CELSR3: variants seen among roughly 807,000 people sequenced by gnomAD.
CELSR3 encodes EGF-like protein 1.
In CELSR3, 73 loss-of-function variants were observed where a neutral mutation model predicts 270.0. The ratio of observed to expected loss-of-function variants is 0.27; its 90% CI spans 0.22 to 0.33. The LOEUF (loss-of-function observed/expected upper bound fraction) is 0.33, where lower values mean the gene tolerates loss of function less well. CELSR3 is among the 10% of genes least tolerant of loss of function. CELSR3 has a pLI of 1.00. For synonymous variants in CELSR3, 1,780 were observed against 1,905.4 expected, an observed-to-expected ratio of 0.93 and a Z score of 1.71; for missense variants, 3,614 against 4,533.8, an observed-to-expected ratio of 0.80 and a Z score of 5.83.
At position 48,656,005 on chromosome 3, in the gene CELSR3, C is replaced by T. The variant is rs557639429; in HGVS notation, c.4625+135G>A. The stretch of plus-strand genomic sequence containing the variant: ...CGGGGGGACGCGGGTGCAGCGAGGT[C>T]AGGAGACCCCGGGCGGGGCGTCAGG... On this transcript the variant is annotated intron_variant, in intron 3 of 34. Transcript: ENST00000164024. 5.5e-5 allele frequency: 64 copies of T among 1,163,444 alleles called. No individual in the cohort carries two copies. In the African/African-American group the frequency reaches 8.4e-4, roughly 15 times the overall value. 72.1% of individuals were successfully genotyped at this position (1,163,444 alleles called of 1,614,324 possible). A position where few individuals can be genotyped will look rare whatever the true frequency, so the allele number is the denominator to read the frequency against.
Position 48,662,404 on chromosome 3 carries a change from G to T in CELSR3, c.231C>A (p.Gly77=). The T allele has an allele frequency of 6.2e-7, 1 of 1,612,842 alleles. No homozygotes were observed. Among genetic ancestry groups the T allele is most frequent in the Non-Finnish European group, 8.5e-7 (1 of 1,179,942 alleles). ...SSGVREDGGP[G]LGVREPIFVG... ...CGAAGATAGGCTCCCTGACCCCCAG[G>T]CCAGGCCCCCCATCCTCCCGGACCC... Residue 77 remains glycine, a synonymous_variant, in exon 1 of 35, where the codon GGC becomes GGA. Transcript: ENST00000164024. The surrounding 1 kb of genome is among the most constrained non-coding windows in gnomAD (Gnocchi z 7.1).
Position 48,646,800 on chromosome 3 carries a change from G to A in CELSR3, c.7258C>T (p.Leu2420Phe). 10 of 1,610,460 alleles carry A rather than the reference G, an allele frequency of 6.2e-6. No individual in the cohort carries two copies. The highest frequency in any genetic ancestry group is 8.5e-6 in the Non-Finnish European group (10 of 1,178,934). Residue 2420 changes from leucine (L) to phenylalanine (F), a missense_variant, in exon 21 of 35, where the codon CTC (leucine) becomes TTC (phenylalanine). Transcript: ENST00000164024. The surrounding 1 kb of genome is among the most constrained non-coding windows in gnomAD (Gnocchi z 4.8). ...LLVYRTLGGL[L>F]PAQFQAERRG... is the part of the protein sequence containing the mutation. ...CGTTCTGCCTGGAACTGGGCAGGGA[G>A]CAGTCCCCCTAAGGTGCGGTAAACG...
At position 48,653,313 on chromosome 3, in the gene CELSR3, G is replaced by A; in HGVS notation, c.5449-126C>T. ...AACAGTGGGGTCAAGGTTATACCTG[G>A]CACAAAGGGCACTGTGCCAGGGGAC... On this transcript the variant is annotated intron_variant, in intron 9 of 34. Coordinates refer to ENST00000164024, the MANE Select transcript of CELSR3 (RefSeq NM_001407.3). This position sits in a 1 kb window ranked among gnomAD's most constrained non-coding sequence, Gnocchi z 6.5. 1.2e-6 allele frequency: 1 copy of A among 829,856 alleles called. No homozygotes were observed. The allele number at this position is 829,856 out of a possible 1,614,324, so 51.4% of individuals were successfully genotyped here.
chr3:48,645,436 C>T lies in CELSR3; in HGVS notation c.7797+7G>A, dbSNP rs1373786125. On this transcript the variant is annotated splice_region_variant and intron_variant, in intron 24 of 34. Coordinates refer to ENST00000164024, the MANE Select transcript of CELSR3 (RefSeq NM_001407.3). This position sits in a 1 kb window ranked among gnomAD's most constrained non-coding sequence, Gnocchi z 5.4. Reference sequence around the variant, plus strand: ...AGGACACAAGTTCCCTGGCCCTGATCCTGCACCTGATTGTGGGTCCTGTGA... The same window carrying T: ...AGGACACAAGTTCCCTGGCCCTGATTCTGCACCTGATTGTGGGTCCTGTGA... 1.9e-6 allele frequency: 3 copies of T among 1,612,820 alleles called. No individual in the cohort carries two copies. The African/African-American group carries it at 4.0e-5, about 22-fold the overall frequency.
Position 48,646,361 on chromosome 3 carries a change from T to G in CELSR3, c.7296-104A>C. Reference sequence around the variant, plus strand: ...CACTCGCCAGGGCTGACCCAGGGTCTGGGATGTCCCCAGAGTGGAAGCTGT... The same window carrying G: ...CACTCGCCAGGGCTGACCCAGGGTCGGGGATGTCCCCAGAGTGGAAGCTGT... On this transcript the variant is annotated intron_variant, in intron 21 of 34. Transcript: ENST00000164024. The surrounding 1 kb of genome is among the most constrained non-coding windows in gnomAD (Gnocchi z 4.8). The G allele has an allele frequency of 8.0e-7, 1 of 1,255,146 alleles. No homozygotes were observed. Among genetic ancestry groups the G allele is most frequent in the Non-Finnish European group, 1.1e-6 (1 of 916,954 alleles). 77.8% of individuals were successfully genotyped at this position (1,255,146 alleles called of 1,614,324 possible). A position where few individuals can be genotyped will look rare whatever the true frequency, so the allele number is the denominator to read the frequency against.
Position 48,655,963 on chromosome 3 carries a change from G to T in CELSR3, c.4626-112C>A. Reference sequence around the variant, plus strand: ...GCTGGGGCGAGAGAGGAAGCGACGAGGGACGGCGGGACCGACCGGGGGGAC... The same window carrying T: ...GCTGGGGCGAGAGAGGAAGCGACGATGGACGGCGGGACCGACCGGGGGGAC... On this transcript the variant is annotated intron_variant, in intron 3 of 34. Coordinates refer to ENST00000164024, the MANE Select transcript of CELSR3 (RefSeq NM_001407.3). The surrounding 1 kb of genome is among the most constrained non-coding windows in gnomAD (Gnocchi z 5.8). The T allele has an allele frequency of 8.8e-7, 1 of 1,134,120 alleles. No homozygotes were observed. The highest frequency in any genetic ancestry group is 1.3e-6 in the Non-Finnish European group (1 of 782,314). 70.3% of individuals were successfully genotyped at this position (1,134,120 alleles called of 1,614,324 possible).
Position 48,640,481 on chromosome 3 carries a change from G to A in CELSR3, c.9104C>T (p.Ala3035Val). ...TGGCACAGCACGGTGGCCCAAGGTG[G>A]CTGCACGGCACCAGGACAGCTCAGG... is the stretch of plus-strand genomic sequence containing the variant. Reference protein sequence around the residue: ...GAPELSWCRAATLGHRAVPAA... With the variant: ...GAPELSWCRAVTLGHRAVPAA... The change falls in exon 34 of 35, where the codon GCC (alanine) becomes GTC (valine). Residue 3035 changes from alanine (A) to valine (V), a missense_variant. This residue lies in a region of CELSR3 where 1,240 missense variants were observed against 1,351.7 expected (regional missense o/e 0.92). Transcript: ENST00000164024. This position sits in a 1 kb window ranked among gnomAD's most constrained non-coding sequence, Gnocchi z 7.5. 6.2e-7 allele frequency: 1 copy of A among 1,612,144 alleles called. No individual in the cohort carries two copies. The highest frequency in any genetic ancestry group is 2.2e-5 in the East Asian group (1 of 44,882).
Position 48,645,067 on chromosome 3 carries a change from G to A in CELSR3, c.7940C>T (p.Ala2647Val). Reference protein sequence around the residue: ...VDRGAMRFYHALGWGVPAVLL... With the variant: ...VDRGAMRFYHVLGWGVPAVLL... Reference sequence around the variant, plus strand: ...CACAGCAGGGACGCCCCAGCCCAGGGCATGGTAGAAGCGCATGGCGCCGCG... The same window carrying A: ...CACAGCAGGGACGCCCCAGCCCAGGACATGGTAGAAGCGCATGGCGCCGCG... The change falls in exon 25 of 35, where the codon GCC becomes GTC. Residue 2647 changes from alanine to valine, a missense_variant. Around this residue, in one of 7 missense-constraint regions of CELSR3, gnomAD observed 1,240 missense variants for 1,351.7 expected, o/e 0.92. Transcript: ENST00000164024. The surrounding 1 kb of genome is among the most constrained non-coding windows in gnomAD (Gnocchi z 5.4). 4 of 1,597,048 alleles carry A rather than the reference G, an allele frequency of 2.5e-6. No individual in the cohort carries two copies. The highest frequency in any genetic ancestry group is 3.4e-6 in the Non-Finnish European group (4 of 1,167,994).
chr3:48,650,017 C>G lies in CELSR3; in HGVS notation c.6472+463G>C, dbSNP rs564219961. On this transcript the variant is annotated intron_variant, in intron 16 of 34. Transcript: ENST00000164024. This position sits in a 1 kb window ranked among gnomAD's most constrained non-coding sequence, Gnocchi z 5.1. ...AGACTGAGGAGGGATCTTTCGTGAC[C>G]TCAGGCAGTGGGGAAAGTTCTATGG... Among the ~76,000 whole-genome samples, 1 of 151,176 alleles carries G rather than the reference C, an allele frequency of 6.6e-6. No homozygotes were observed. The highest frequency in any genetic ancestry group is 1.5e-5 in the Non-Finnish European group (1 of 67,848).
Position 48,642,544 on chromosome 3 carries a change from C to A in CELSR3, c.8556-77G>T. ...TTGGAGGCTGGAGTGTCTTTGAGTGCACAGCCAGCTGCGGGTGGAATGGCA... is the reference window on the plus strand; with the variant it reads ...TTGGAGGCTGGAGTGTCTTTGAGTGAACAGCCAGCTGCGGGTGGAATGGCA... On this transcript the variant is annotated intron_variant, in intron 30 of 34. Transcript: ENST00000164024. The surrounding 1 kb of genome is among the most constrained non-coding windows in gnomAD (Gnocchi z 6.1). 6.7e-7 allele frequency: 1 copy of A among 1,493,200 alleles called. No homozygotes were observed. Among genetic ancestry groups the A allele is most frequent in the Non-Finnish European group, 9.1e-7 (1 of 1,097,248 alleles). The allele number at this position is 1,493,200 out of a possible 1,614,324, so 92.5% of individuals were successfully genotyped here.
chr3:48,642,376 T>G lies in CELSR3; in HGVS notation c.8647A>C (p.Met2883Leu). ...HAGPTDLDVA[M>L]FHRDAGADSD... Reference sequence around the variant, plus strand: ...ACTCCACCAGCATCTCGATGGAACATGGCCACGTCCAGGTCAGTGGGGCCA... The same window carrying G: ...ACTCCACCAGCATCTCGATGGAACAGGGCCACGTCCAGGTCAGTGGGGCCA... The change falls in exon 31 of 35, where the codon ATG becomes CTG. Residue 2883 changes from methionine (M) to leucine (L), a missense_variant. By Grantham distance (15) the Met-to-Leu change is conservative. Coordinates refer to ENST00000164024, the MANE Select transcript of CELSR3 (RefSeq NM_001407.3). The surrounding 1 kb of genome is among the most constrained non-coding windows in gnomAD (Gnocchi z 6.1). 1.2e-6 allele frequency: 2 copies of G among 1,613,002 alleles called. No homozygotes were observed. The highest frequency in any genetic ancestry group is 1.7e-6 in the Non-Finnish European group (2 of 1,179,788).
In CELSR3 at chr3:48,656,785, G is replaced by A. The variant is rs2077026519; in HGVS notation, c.4312C>T (p.Leu1438Phe). ...TTGCGACATGGGTTGGAGTAGCAGAGGTCGAGCTCGGTCTCGCAAAAGTCT... is the reference window on the plus strand; with the variant it reads ...TTGCGACATGGGTTGGAGTAGCAGAAGTCGAGCTCGGTCTCGCAAAAGTCT... ...TGDFCETELD[L>F]CYSNPCRNGG... Residue 1438 changes from leucine (L) to phenylalanine (F), a missense_variant, in exon 2 of 35, where the codon CTC becomes TTC. By Grantham distance (22) the Leu-to-Phe change is conservative (BLOSUM62 0). Transcript: ENST00000164024. 1 of 1,596,528 alleles carries A rather than the reference G, an allele frequency of 6.3e-7. No homozygotes were observed. The highest frequency in any genetic ancestry group is 8.5e-7 in the Non-Finnish European group (1 of 1,171,648).
chr3:48,661,706 G>A lies in CELSR3; in HGVS notation c.929C>T (p.Ala310Val), dbSNP rs138744037. 1.3e-6 allele frequency: 2 copies of A among 1,573,958 alleles called. No homozygotes were observed. The highest frequency in any genetic ancestry group is 1.7e-6 in the Non-Finnish European group (2 of 1,159,206). Residue 310 changes from alanine (A) to valine (V), a missense_variant, in exon 1 of 35, where the codon GCG (alanine) becomes GTG (valine). Coordinates refer to ENST00000164024, the MANE Select transcript of CELSR3 (RefSeq NM_001407.3). ...ARPEARKVTS[A>V]NRARFRRAAN... ...GGCGCGACGAAAGCGTGCCCGGTTC[G>A]CCGAGGTTACTTTCCTGGCTTCAGG...
In CELSR3 at chr3:48,662,535, G is replaced by C. The variant is rs780190635; in HGVS notation, c.100C>G (p.Leu34Val). 8 of 1,602,784 alleles carry C rather than the reference G, an allele frequency of 5.0e-6. No individual in the cohort carries two copies. Among genetic ancestry groups the C allele is most frequent in the Middle Eastern group, 3.3e-4 (2 of 6,012 alleles). Reference sequence around the variant, plus strand: ...CAGCCCTGGTGCCCACCGCCCCCCAGCTCCTCCTGGCTGAGGGGGAACAAA... The same window carrying C: ...CAGCCCTGGTGCCCACCGCCCCCCACCTCCTCCTGGCTGAGGGGGAACAAA... ...LSLFPLSQEE[L>V]GGGGHQGWDP... The change falls in exon 1 of 35, where the codon CTG becomes GTG. Residue 34 changes from leucine (L) to valine (V), a missense_variant. By Grantham distance (32) the Leu-to-Val change is conservative. Around this residue, in one of 7 missense-constraint regions of CELSR3, gnomAD observed 470 missense variants for 469.7 expected, o/e 1.00. Transcript: ENST00000164024. This position sits in a 1 kb window ranked among gnomAD's most constrained non-coding sequence, Gnocchi z 7.1.
Position 48,636,790 on chromosome 3 carries a change from C to G in CELSR3, c.*1415G>C, listed in dbSNP as rs969277362. The G allele has an allele frequency of 1.3e-5, 2 of 152,180 alleles. No individual in the cohort carries two copies. The highest frequency in any genetic ancestry group is 2.4e-5 in the African/African-American group (1 of 41,420). 9.4% of individuals were successfully genotyped at this position (152,180 alleles called of 1,614,324 possible). A position where few individuals can be genotyped will look rare whatever the true frequency, so the allele number is the denominator to read the frequency against. ...GGAGGTGTCTGCACAGACCACCCCC[C>G]AGCCCTGCACAGCCACTCTCCCCCG... On this transcript the variant is annotated 3_prime_UTR_variant, in exon 35 of 35. Coordinates refer to ENST00000164024, the MANE Select transcript of CELSR3 (RefSeq NM_001407.3).
At chr3:48,648,215 C>A in intron 19 of CELSR3, 51 bp downstream of exon 19, 1 of 1,577,024 alleles carries the variant, frequency 6.3e-7, no homozygotes. Context: ...CAGGTACCTG[C>A]CCTTTCATGG....
chr3:48,640,826 C>A lies in CELSR3; in HGVS notation c.9026-267G>T. On this transcript the variant is annotated intron_variant, in intron 33 of 34. Coordinates refer to ENST00000164024, the MANE Select transcript of CELSR3 (RefSeq NM_001407.3). The surrounding 1 kb of genome is among the most constrained non-coding windows in gnomAD (Gnocchi z 7.5). ...CTCATGGTGCAGGGGATGGGGCAAACTCCCTGAGGTCAGAAGAGGGGCAGC... is the reference window on the plus strand; with the variant it reads ...CTCATGGTGCAGGGGATGGGGCAAAATCCCTGAGGTCAGAAGAGGGGCAGC... 1.9e-6 allele frequency: 1 copy of A among 538,414 alleles called. No individual in the cohort carries two copies. Among genetic ancestry groups the A allele is most frequent in the Non-Finnish European group, 3.3e-6 (1 of 304,986 alleles). 33.4% of individuals were successfully genotyped at this position (538,414 alleles called of 1,614,324 possible).
chr3:48,659,749 C>T lies in CELSR3; in HGVS notation c.2886G>A (p.Val962=). The change falls in exon 1 of 35, where the codon GTG becomes GTA. Residue 962 remains valine (V), a synonymous_variant. Transcript: ENST00000164024. This position sits in a 1 kb window ranked among gnomAD's most constrained non-coding sequence, Gnocchi z 8.1. ...AGACCAGCCCTGTATAGTGGGAGGC[C>T]ACAAATTGTGGAGCATTGTCATTCA... The part of the protein sequence containing the change: ...NDVNDNAPQF[V]ASHYTGLVSE... 1 of 1,614,204 alleles carries T rather than the reference C, an allele frequency of 6.2e-7. No homozygotes were observed. Among genetic ancestry groups the T allele is most frequent in the Non-Finnish European group, 8.5e-7 (1 of 1,180,044 alleles).
In CELSR3 at chr3:48,651,563, C is replaced by T; in HGVS notation, c.6065+14G>A. ...CTGCCAGGTCTCCCCATCGCCTCAG[C>T]CCCAGCCTCTTACCTGTGCTCACAG... On this transcript the variant is annotated intron_variant, in intron 13 of 34. Transcript: ENST00000164024. The surrounding 1 kb of genome is among the most constrained non-coding windows in gnomAD (Gnocchi z 7.4). 6.3e-7 allele frequency: 1 copy of T among 1,586,992 alleles called. No individual in the cohort carries two copies. The highest frequency in any genetic ancestry group is 1.2e-5 in the South Asian group (1 of 86,930).
Sources: allele counts gnomAD v4.1 joint callset (sites outside exome capture counted in the v4.1 genomes callset), GRCh38; gene constraint gnomAD v4.1.1; regional missense constraint gnomAD v4.1.1; non-coding constraint Gnocchi (gnomAD v3.1); transcripts MANE v1.5; gene names NCBI Gene and HGNC (gene_info 2026-07-23, HGNC 2026-07-21).